SLC1A7: variants seen among roughly 807,000 people sequenced by gnomAD.
SLC1A7 encodes the protein excitatory amino acid transporter 5.
In SLC1A7, 40 loss-of-function variants were observed where a neutral mutation model predicts 47.7. That is an observed-to-expected ratio of 0.84 (90% CI 0.65 to 1.09). The LOEUF (loss-of-function observed/expected upper bound fraction) is 1.09, where lower values mean the gene tolerates loss of function less well. Ranked by LOEUF, SLC1A7 falls within the 50% of genes least tolerant of loss-of-function variation. SLC1A7 has a pLI of 0.00. For synonymous variants in SLC1A7, 323 were observed against 325.6 expected (o/e 0.99, Z 0.09); for missense variants, 746 against 769.5 (o/e 0.97, Z 0.36).
At chr1:53,097,842 C>T (rs1644516221) in intron 5 of SLC1A7, among the ~76,000 whole-genome samples, 1 of 151,244 alleles carries the variant, frequency 6.6e-6, no homozygotes, top group Admixed American at 6.6e-5. Context: ...ACACAACCCA[C>T]CTTGGTACTA....
Position 53,142,507 on chromosome 1 carries a change from CG to C in SLC1A7, c.-59del. The C allele has an allele frequency of 6.3e-7, 1 of 1,582,576 alleles. No individual in the cohort carries two copies. Among genetic ancestry groups the C allele is most frequent in the Non-Finnish European group, 8.6e-7 (1 of 1,165,284 alleles). ...ACCATTCCACGCATGAGAGCCCGGCCGGGGGCACAGGGTCTGGGCTGAGGGC... is the reference window on the plus strand; with the variant it reads ...ACCATTCCACGCATGAGAGCCCGGCCGGGGCACAGGGTCTGGGCTGAGGGC... On this transcript the variant is annotated 5_prime_UTR_variant, in exon 1 of 11. Coordinates refer to ENST00000371494, the MANE Select transcript of SLC1A7 (RefSeq NM_006671.6).
chr1:53,096,587 TCACA>T (rs1365654251), intron 5 of SLC1A7, among the ~76,000 whole-genome samples: 1 of 149,768 alleles, frequency 6.7e-6, no homozygotes, highest in East Asian at 2.0e-4. Context: ...TTCGATACAC[TCACA>T]CACCCTGCCT....
intron 2 of SLC1A7, among the ~76,000 whole-genome samples, chr1:53,122,954 C>T (rs914379089): frequency 3.3e-5 from 5 of 151,928 alleles, no homozygotes; most frequent in Non-Finnish European, 4.4e-5. Context: ...AGAGTGTGGG[C>T]GGTGGGTGCT....
intron 3 of SLC1A7, chr1:53,108,600 C>A (rs1178608373): frequency 1.3e-5 from 9 of 717,852 alleles, no homozygotes; most frequent in Non-Finnish European, 7.8e-6. Context: ...CAGCCAGGAC[C>A]CTTTGGTCCG....
At chr1:53,104,763 G>A (rs1644621516) in intron 4 of SLC1A7, among the ~76,000 whole-genome samples, 1 of 152,194 alleles carries the variant, frequency 6.6e-6, no homozygotes, top group African/African-American at 2.4e-5. Flanking sequence ...CTCAACACAG[G>A]GCCCAGCCCA....
Position 53,112,850 on chromosome 1 carries a change from A to G in SLC1A7, c.431+1908T>C, listed in dbSNP as rs1204935414. Reference sequence around the variant, plus strand: ...AATAAATTGCCTGAGTCCAGGGGACAGCAGGTGAGAGATGCGAGAGAGAAG... The same window carrying G: ...AATAAATTGCCTGAGTCCAGGGGACGGCAGGTGAGAGATGCGAGAGAGAAG... On this transcript the variant is annotated intron_variant, in intron 3 of 10. Coordinates refer to ENST00000371494, the MANE Select transcript of SLC1A7 (RefSeq NM_006671.6). Among the ~76,000 whole-genome samples the G allele has an allele frequency of 2.6e-5, 4 of 152,214 alleles. No homozygotes were observed. The East Asian group carries it at 7.7e-4, about 29-fold the overall frequency.
chr1:53,131,353 G>A (rs1324913228), intron 2 of SLC1A7, among the ~76,000 whole-genome samples: 2 of 152,194 alleles, frequency 1.3e-5, no homozygotes, highest in Non-Finnish European at 1.5e-5. Flanking sequence ...CTTGTCCAAG[G>A]CCACACAGCT....
intron 8 of SLC1A7, 50 bp from the exon 9 acceptor site, chr1:53,089,984 T>C (rs1644402299): frequency 6.2e-7 from 1 of 1,604,364 alleles, no homozygotes; most frequent in East Asian, 2.2e-5. Context: ...GCAGGGTGCA[T>C]TGTCAGGGTC....
chr1:53,124,781 A>G (rs1397144989), intron 2 of SLC1A7, among the ~76,000 whole-genome samples: 1 of 152,240 alleles, frequency 6.6e-6, no homozygotes, highest in Non-Finnish European at 1.5e-5. Context: ...GAGGCAGGGC[A>G]GCTCCCTCAA....
intron 3 of SLC1A7, chr1:53,108,010 T>C (rs1474525220): frequency 6.6e-6 from 1 of 152,520 alleles, no homozygotes; most frequent in East Asian, 1.9e-4. Flanking sequence ...CAAATGACAG[T>C]GCACAATGTG....
At position 53,142,480 on chromosome 1, in the gene SLC1A7, G is replaced by A; in HGVS notation, c.-31C>T. The A allele has an allele frequency of 1.9e-6, 3 of 1,609,776 alleles. No individual in the cohort carries two copies. On this transcript the variant is annotated 5_prime_UTR_variant, in exon 1 of 11. Coordinates refer to ENST00000371494, the MANE Select transcript of SLC1A7 (RefSeq NM_006671.6). ...GCCTGGCCTGCTGGCAAGGGGCACA[G>A]CACCATTCCACGCATGAGAGCCCGG... is the stretch of plus-strand genomic sequence containing the variant.
chr1:53,099,501 ACACT>A (rs1156971717), intron 5 of SLC1A7, among the ~76,000 whole-genome samples: 4 of 125,662 alleles, frequency 3.2e-5, no homozygotes, highest in East Asian at 2.4e-4. Flanking sequence ...CCGCCTCAGT[ACACT>A]CACTCACACC....
At chr1:53,097,023 C>A (rs1167668145) in intron 5 of SLC1A7, among the ~76,000 whole-genome samples, 3 of 150,882 alleles carry the variant, frequency 2.0e-5, no homozygotes, top group African/African-American at 7.3e-5. Context: ...TACCCTCACA[C>A]ACACTGTCTT....
chr1:53,137,287 C>CAAAAAAAAAAAAAAAAAAAAAAAA lies in SLC1A7; in HGVS notation c.136-2859_136-2858insTTTTTTTTTTTTTTTTTTTTTTTT, dbSNP rs60113708. 1.1e-3 allele frequency among the ~76,000 whole-genome samples: 111 copies of CAAAAAAAAAAAAAAAAAAAAAAAA among 100,736 alleles called. 2 individuals carry two copies. The highest frequency in any genetic ancestry group is 4.2e-3 in the African/African-American group (109 of 25,724). 66.1% of individuals were successfully genotyped at this position (100,736 alleles called of 152,430 possible). On this transcript the variant is annotated intron_variant, in intron 1 of 10. Coordinates refer to ENST00000371494, the MANE Select transcript of SLC1A7 (RefSeq NM_006671.6). ...GGGCAACAGAGGGAGACGCTATCTC[C>CAAAAAAAAAAAAAAAAAAAAAAAA]AAAAAAAAAAAAGTGCTCTACTGAT...
intron 2 of SLC1A7, 28 bp from the exon 3 acceptor site, chr1:53,115,001 T>C: frequency 6.3e-7 from 1 of 1,575,586 alleles, no homozygotes; most frequent in Non-Finnish European, 8.7e-7. Context: ...TCAGGGGCTG[T>C]GGTGGGGAGG....
intron 2 of SLC1A7, chr1:53,115,571 CTAATG>C (rs1644751087): frequency 1.3e-5 from 2 of 156,216 alleles, no homozygotes; most frequent in African/African-American, 4.8e-5. Flanking sequence ...CCTGGACGAG[CTAATG>C]AGGAGTGAGT....
intron 3 of SLC1A7, among the ~76,000 whole-genome samples, chr1:53,107,549 A>G (rs764490525): frequency 4.0e-5 from 6 of 148,780 alleles, no homozygotes; most frequent in Non-Finnish European, 8.9e-5. Context: ...ACCTAAAACT[A>G]TGCTAAAATG....
At chr1:53,121,263 C>T (rs6694555) in intron 2 of SLC1A7, among the ~76,000 whole-genome samples, 4,514 of 152,186 alleles carry the variant, frequency 0.03, 190 homozygotes, top group African/African-American at 0.094. Flanking sequence ...CTAGATCAGA[C>T]GTGAAAAGGA....
Position 53,092,793 on chromosome 1 carries a change from G to A in SLC1A7, c.798-6C>T. On this transcript the variant is annotated splice_polypyrimidine_tract_variant and splice_region_variant and intron_variant, in intron 6 of 10. Coordinates refer to ENST00000371494, the MANE Select transcript of SLC1A7 (RefSeq NM_006671.6). ...CAATGCCGAAGGGGAAATACCTGGG[G>A]GCGGCGGGGCAGCCAGGCTCAGGAA... The A allele has an allele frequency of 6.3e-7, 1 of 1,590,986 alleles. No individual in the cohort carries two copies. Among genetic ancestry groups the A allele is most frequent in the Non-Finnish European group, 8.6e-7 (1 of 1,159,672 alleles).
Sources: allele counts gnomAD v4.1 joint callset (sites outside exome capture counted in the v4.1 genomes callset), GRCh38; gene constraint gnomAD v4.1.1; transcripts MANE v1.5; gene names NCBI Gene and HGNC (gene_info 2026-07-23, HGNC 2026-07-21).